Variants in PHLDB2 observed in about 807,000 individuals in gnomAD.
PHLDB2 encodes the protein pleckstrin homology-like domain family B member 2.
A neutral mutation model predicts 123.6 loss-of-function variants in PHLDB2; 71 were observed. That is an observed-to-expected ratio of 0.57 (90% CI 0.47 to 0.70). The LOEUF is 0.70. Among genes scored for constraint, PHLDB2 ranks in the 30% least tolerant of loss-of-function variants. The pLI, the probability that PHLDB2 is intolerant of heterozygous loss-of-function variation, is 0.00. For synonymous variants in PHLDB2, 547 were observed against 541.6 expected, an observed-to-expected ratio of 1.01 and a Z score of -0.14; for missense variants, 1,446 against 1,519.5, an observed-to-expected ratio of 0.95 and a Z score of 0.80.
In PHLDB2 at chr3:111,913,689, G is replaced by A. The variant is rs759789444; in HGVS notation, c.1706G>A (p.Ser569Asn). Residue 569 changes from serine to asparagine, a missense_variant, in exon 3 of 18, where the codon AGT becomes AAT. Around this residue, in one of 3 missense-constraint regions of PHLDB2, gnomAD observed 832 missense variants for 831.9 expected, o/e 1.00. Transcript: ENST00000431670. ...GCTTCCAGCGAGTCCTCTTATCTAA[G>A]TATCCTACCAAAGGTAATGTTGGCC... The part of the protein sequence containing the change: ...PKASSESSYL[S>N]ILPKTPEGIS... 6 of 1,612,108 alleles carry A rather than the reference G, an allele frequency of 3.7e-6. No individual in the cohort carries two copies. The highest frequency in any genetic ancestry group is 1.3e-5 in the African/African-American group (1 of 74,892).
intron 9 of PHLDB2, chr3:111,945,565 G>A (rs2070242777): frequency 1.8e-6 from 1 of 566,674 alleles, no homozygotes; most frequent in Non-Finnish European, 3.1e-6. Flanking sequence ...CACATTGTGT[G>A]TGTGTATGTG....
At chr3:111,946,044 T>C (rs2070286732) in intron 9 of PHLDB2, among the ~76,000 whole-genome samples, 1 of 145,356 alleles carries the variant, frequency 6.9e-6, no homozygotes, top group Non-Finnish European at 1.5e-5. Flanking sequence ...TATATATATA[T>C]TTTTTGAGAC....
intron 13 of PHLDB2, among the ~76,000 whole-genome samples, chr3:111,962,748 G>A (rs1156665650): frequency 6.6e-6 from 1 of 151,924 alleles, no homozygotes; most frequent in African/African-American, 2.4e-5. Context: ...AGACCAACAT[G>A]GTGAAACCCT....
intron 1 of PHLDB2, among the ~76,000 whole-genome samples, chr3:111,739,370 C>G (rs934858395): frequency 5.9e-5 from 9 of 152,062 alleles, no homozygotes; most frequent in Admixed American, 2.0e-4. Context: ...GCCACTAATG[C>G]AAGCTCCAGC....
chr3:111,854,513 G>A (rs2064398608), upstream of PHLDB2, among the ~76,000 whole-genome samples: 1 of 152,186 alleles, frequency 6.6e-6, no homozygotes, highest in Non-Finnish European at 1.5e-5. Flanking sequence ...ATTGAAATGA[G>A]TTAATAGCTA....
At chr3:111,830,405 TATC>T (rs1203507254) in intron 1 of PHLDB2, among the ~76,000 whole-genome samples, 1 of 151,170 alleles carries the variant, frequency 6.6e-6, no homozygotes, top group East Asian at 1.9e-4. Context: ...ATTTATGAGA[TATC>T]ATATGGCTTG....
intron 6 of PHLDB2, among the ~76,000 whole-genome samples, chr3:111,935,544 A>AGATAGAT (rs1438561532): frequency 1.0e-5 from 1 of 96,350 alleles, no homozygotes; most frequent in East Asian, 4.7e-4. Flanking sequence ...GATAGATAGA[A>AGATAGAT]GGGGAGTTCA....
At chr3:111,822,106 C>T (rs1576739694) in intron 1 of PHLDB2, among the ~76,000 whole-genome samples, 1 of 151,956 alleles carries the variant, frequency 6.6e-6, no homozygotes, top group Non-Finnish European at 1.5e-5. Context: ...TATGTCAAGC[C>T]CCATAAATAA....
chr3:111,907,107 A>G (rs938035223), intron 2 of PHLDB2, among the ~76,000 whole-genome samples: 4 of 152,226 alleles, frequency 2.6e-5, no homozygotes, highest in African/African-American at 9.6e-5. Flanking sequence ...TACTAAGGCA[A>G]TGTTTGTGTA....
intron 3 of PHLDB2, among the ~76,000 whole-genome samples, chr3:111,918,649 T>C (rs2068315543): frequency 6.6e-6 from 1 of 152,202 alleles, no homozygotes; most frequent in South Asian, 2.1e-4. Context: ...GGAGAGAATA[T>C]TGTGCTTGTA....
Position 111,969,719 on chromosome 3 carries a change from C to A in PHLDB2, c.3345C>A (p.Val1115=). 5.6e-6 allele frequency: 9 copies of A among 1,613,970 alleles called. No individual in the cohort carries two copies. Among genetic ancestry groups the A allele is most frequent in the South Asian group, 1.1e-5 (1 of 91,084 alleles). ...GTCCTTTGACACGCTACCTGCCTGT[C>A]CGGAAGGAAGACTTTGATTTGCGGA... is the stretch of plus-strand genomic sequence containing the variant. The part of the protein sequence containing the change: ...QARPLTRYLP[V]RKEDFDLRSH... Residue 1115 remains valine (V), a synonymous_variant, in exon 16 of 18, where the codon GTC becomes GTA. Coordinates refer to ENST00000431670, the MANE Select transcript of PHLDB2 (RefSeq NM_001134438.2).
intron 12 of PHLDB2, among the ~76,000 whole-genome samples, chr3:111,959,438 G>T (rs1273494770): frequency 6.6e-6 from 1 of 152,310 alleles, no homozygotes; most frequent in East Asian, 1.9e-4. Flanking sequence ...AAAATCATGG[G>T]TTGGGAAAAA....
chr3:111,893,967 A>T, intron 2 of PHLDB2, among the ~76,000 whole-genome samples: 1 of 146,378 alleles, frequency 6.8e-6, no homozygotes, highest in African/African-American at 2.5e-5. Context: ...TGTGCAGGTT[A>T]GTTACATACG....
chr3:111,803,840 A>G (rs534725019), intron 1 of PHLDB2, among the ~76,000 whole-genome samples: 2 of 152,372 alleles, frequency 1.3e-5, no homozygotes, highest in Middle Eastern at 6.8e-3. Context: ...ATATTTCTTA[A>G]CAAAGCGTAG....
Position 111,788,538 on chromosome 3 carries a change from A to G in PHLDB2, c.-49+55835A>G, listed in dbSNP as rs183710625. Among the ~76,000 whole-genome samples, 6 of 152,308 alleles carry G rather than the reference A, an allele frequency of 3.9e-5. No individual in the cohort carries two copies. The East Asian group carries it at 1.2e-3, about 29-fold the overall frequency. ...AGACCCTTTGTCTCTTCTCCTGTTT[A>G]CTTCTCCCATCTATCTACCTTTTAT... On this transcript the variant is annotated intron_variant, in intron 1 of 17. Transcript: ENST00000393923.
At position 111,861,055 on chromosome 3, in the gene PHLDB2, G is replaced by C. The variant is rs1253703449; in HGVS notation, c.-15+1479G>C. The stretch of plus-strand genomic sequence containing the variant: ...ATTCGGCTGGGAGAGATCTAAATGA[G>C]GTCCACAGTTTCAGAAGGTTAAACT... On this transcript the variant is annotated intron_variant, in intron 1 of 17. Coordinates refer to ENST00000431670, the MANE Select transcript of PHLDB2 (RefSeq NM_001134438.2). Among the ~76,000 whole-genome samples, 9 of 152,236 alleles carry C rather than the reference G, an allele frequency of 5.9e-5. No individual in the cohort carries two copies. The South Asian group carries it at 1.9e-3, about 32-fold the overall frequency.
chr3:111,823,884 G>T (rs1324044117), intron 1 of PHLDB2, among the ~76,000 whole-genome samples: 1 of 152,164 alleles, frequency 6.6e-6, no homozygotes, highest in Non-Finnish European at 1.5e-5. Context: ...GTGAGGAGAT[G>T]GTGGAGGGGG....
At chr3:111,849,986 C>T (rs1056535658) in intron 2 of PHLDB2, among the ~76,000 whole-genome samples, 1 of 151,890 alleles carries the variant, frequency 6.6e-6, no homozygotes, top group Non-Finnish European at 1.5e-5. Context: ...CTCAGCCTCC[C>T]GAGTAGCTGG....
At chr3:111,969,417 A>G (rs1253227012) in intron 15 of PHLDB2, among the ~76,000 whole-genome samples, 2 of 152,168 alleles carry the variant, frequency 1.3e-5, no homozygotes, top group African/African-American at 2.4e-5. Context: ...AAGATAAATG[A>G]CCATTTTTCA....
Sources: allele counts gnomAD v4.1 joint callset (sites outside exome capture counted in the v4.1 genomes callset), GRCh38; gene constraint gnomAD v4.1.1; regional missense constraint gnomAD v4.1.1; transcripts MANE v1.5; gene names NCBI Gene and HGNC (gene_info 2026-07-23, HGNC 2026-07-21).